The following CDH13 variants were observed in gnomAD, a reference collection of about 807,000 sequenced individuals.
The protein encoded by CDH13 is cadherin-13.
CDH13 carries 24 observed loss-of-function variants against 63.8 expected under a neutral mutation model. The ratio of observed to expected loss-of-function variants is 0.38; its 90% CI spans 0.27 to 0.53. The LOEUF (loss-of-function observed/expected upper bound fraction) is 0.53. Ranked by LOEUF, CDH13 falls within the 20% of genes least tolerant of loss-of-function variation. The pLI is 0.85. For missense variants in CDH13, 1,049 were observed against 903.1 expected, an observed-to-expected ratio of 1.16 and a Z score of -2.07; for synonymous variants, 503 against 355.3, an observed-to-expected ratio of 1.42 and a Z score of -4.67.
rs552413146 is a variant in CDH13 at position 83,695,856 on chromosome 16, G to C, written c.1538+17395G>C. Among the ~76,000 whole-genome samples the C allele has an allele frequency of 3.3e-5, 5 of 152,112 alleles. No homozygotes were observed. In the South Asian group the frequency reaches 8.3e-4, roughly 25 times the overall value. ...GGTCGAACCTTTCGTGAGTGAAAGA[G>C]ACGGAATTCAAATCCAGATATATTT... On this transcript the variant is annotated intron_variant, in intron 10 of 13. Coordinates refer to ENST00000567109, the MANE Select transcript of CDH13 (RefSeq NM_001257.5).
intron 8 of CDH13, among the ~76,000 whole-genome samples, chr16:83,664,259 G>T (rs1192230773): frequency 4.6e-5 from 7 of 152,070 alleles, no homozygotes; most frequent in Admixed American, 6.5e-5. Flanking sequence ...TCACTTCAGG[G>T]CCTGACTATG....
intron 3 of CDH13, among the ~76,000 whole-genome samples, chr16:83,095,785 G>C (rs1037678700): frequency 2.0e-5 from 3 of 152,098 alleles, no homozygotes; most frequent in African/African-American, 4.8e-5. Flanking sequence ...AAGACTCTAT[G>C]ATTCTCACTG....
At chr16:83,105,728 A>T (rs1478954645) in intron 3 of CDH13, among the ~76,000 whole-genome samples, 1 of 152,234 alleles carries the variant, frequency 6.6e-6, no homozygotes, top group Non-Finnish European at 1.5e-5. Context: ...AATTGATAGA[A>T]ACCACCCCCA....
intron 3 of CDH13, among the ~76,000 whole-genome samples, chr16:83,068,290 A>G (rs2032171763): frequency 6.6e-6 from 1 of 152,194 alleles, no homozygotes; most frequent in Non-Finnish European, 1.5e-5. Context: ...TTTGCCATAT[A>G]ACTTTCATCC....
chr16:83,250,487 G>A (rs1905390778), intron 5 of CDH13, among the ~76,000 whole-genome samples: 1 of 152,164 alleles, frequency 6.6e-6, no homozygotes, highest in Non-Finnish European at 1.5e-5. Context: ...TGCAGTCAGA[G>A]GCTCTGCTGA....
At chr16:82,983,902 G>T (rs955159785) in intron 2 of CDH13, among the ~76,000 whole-genome samples, 4 of 152,170 alleles carry the variant, frequency 2.6e-5, no homozygotes, top group Non-Finnish European at 5.9e-5. Context: ...CTAGGAAGCG[G>T]GAATAATTTC....
At chr16:83,186,934 A>T (rs940627543) in intron 4 of CDH13, among the ~76,000 whole-genome samples, 5 of 152,064 alleles carry the variant, frequency 3.3e-5, no homozygotes, top group African/African-American at 1.2e-4. Flanking sequence ...TTTAATGAAA[A>T]TTGTAACCTA....
At chr16:82,962,931 T>C (rs928917900) in intron 2 of CDH13, among the ~76,000 whole-genome samples, 10 of 152,224 alleles carry the variant, frequency 6.6e-5, no homozygotes, top group Non-Finnish European at 1.5e-4. Flanking sequence ...AAATGATATA[T>C]AAGCAAAATA....
intron 7 of CDH13, among the ~76,000 whole-genome samples, chr16:83,564,356 G>A (rs2075755926): frequency 6.6e-6 from 1 of 151,586 alleles, no homozygotes; most frequent in South Asian, 2.1e-4. Flanking sequence ...CAGTAAGGAG[G>A]GGAGGGGCTG....
intron 6 of CDH13, among the ~76,000 whole-genome samples, chr16:83,449,830 G>T (rs1320988741): frequency 6.6e-6 from 1 of 152,236 alleles, no homozygotes; most frequent in African/African-American, 2.4e-5. Flanking sequence ...GTTTTGAAGA[G>T]AAAATGAGCT....
chr16:83,380,104 A>C (rs2091535990), intron 6 of CDH13, among the ~76,000 whole-genome samples: 1 of 152,046 alleles, frequency 6.6e-6, no homozygotes, highest in African/African-American at 2.4e-5. Context: ...CAAAATGGAC[A>C]TTGGTATTCT....
At chr16:83,510,001 G>A (rs529707928) in intron 7 of CDH13, among the ~76,000 whole-genome samples, 1 of 152,152 alleles carries the variant, frequency 6.6e-6, no homozygotes, top group Non-Finnish European at 1.5e-5. Flanking sequence ...TCTATCATTA[G>A]CCCTGCTTTA....
intron 3 of CDH13, among the ~76,000 whole-genome samples, chr16:83,085,682 CAAG>C (rs1567815336): frequency 1.3e-5 from 2 of 152,110 alleles, no homozygotes; most frequent in East Asian, 1.9e-4. Flanking sequence ...AGCTCTACAG[CAAG>C]AAGAAGGAGA....
chr16:83,270,984 T>G (rs1466915028), intron 5 of CDH13, among the ~76,000 whole-genome samples: 2 of 148,778 alleles, frequency 1.3e-5, no homozygotes, highest in African/African-American at 4.9e-5. Context: ...CTTCCCTTCT[T>G]TTCTCCCTCT....
At chr16:83,219,502 A>G (rs2039634307) in intron 5 of CDH13, among the ~76,000 whole-genome samples, 1 of 152,240 alleles carries the variant, frequency 6.6e-6, no homozygotes, top group Admixed American at 6.5e-5. Flanking sequence ...CATAAGGATT[A>G]AATGAGTTAA....
chr16:83,645,892 G>T (rs943892678), intron 8 of CDH13, among the ~76,000 whole-genome samples: 2 of 152,138 alleles, frequency 1.3e-5, no homozygotes, highest in African/African-American at 4.8e-5. Flanking sequence ...AAAGGGAGAC[G>T]AAAATTGAGG....
intron 7 of CDH13, among the ~76,000 whole-genome samples, chr16:83,491,489 T>C (rs1338880311): frequency 1.3e-5 from 2 of 152,216 alleles, no homozygotes; most frequent in Non-Finnish European, 2.9e-5. Context: ...GCTGCTAGAC[T>C]GAAATTCATC....
chr16:82,804,143 G>A (rs527999858), intron 1 of CDH13, among the ~76,000 whole-genome samples: 16 of 152,132 alleles, frequency 1.1e-4, no homozygotes, highest in South Asian at 8.3e-4. Context: ...CAAGAGAATC[G>A]CTTGAACCCA....
At chr16:83,716,628 C>G (rs1167750450) in intron 10 of CDH13, among the ~76,000 whole-genome samples, 1 of 152,090 alleles carries the variant, frequency 6.6e-6, no homozygotes, top group Non-Finnish European at 1.5e-5. Context: ...GGACTACAGG[C>G]ACGTGCCACC....
Sources: gnomAD v4.1 joint callset for allele counts (sites outside exome capture counted in the v4.1 genomes callset) on GRCh38, gnomAD v4.1.1 for gene constraint, MANE v1.5 for transcripts, NCBI Gene and HGNC (gene_info 2026-07-23, HGNC 2026-07-21) for gene names.